The following CD99L2 variants were observed in gnomAD, a reference collection of about 807,000 sequenced individuals.
The protein encoded by CD99L2 is CD99 molecule like 2, also known as CD99 antigen-like protein 2.
Under a neutral mutation model 27.3 loss-of-function variants are expected in CD99L2, and 24 were observed. That is an observed-to-expected ratio of 0.88 (90% CI 0.64 to 1.24). CD99L2 has a LOEUF of 1.24. Ranked by LOEUF, CD99L2 falls within the 50% of genes most tolerant of loss-of-function variation. The probability of loss-of-function intolerance (pLI) is 0.00; values close to 1 mark genes in which losing one functional copy is unlikely to be tolerated. For synonymous variants in CD99L2, 97 were observed against 87.9 expected (o/e 1.10, Z -0.58); for missense variants, 255 against 221.6 (o/e 1.15, Z -0.96).
intron 4 of CD99L2, among the ~76,000 whole-genome samples, chrX:150,798,145 A>G (rs1603293386): frequency 3.6e-5 from 1 of 27,903 alleles, no homozygotes; most frequent in Non-Finnish European, 5.8e-5. Context: ...GAAGGAAGGA[A>G]GGGAGGGAGG....
At chrX:150,825,628 T>A (rs1557420909) in intron 2 of CD99L2, among the ~76,000 whole-genome samples, 3 of 112,619 alleles carry the variant, frequency 2.7e-5, no homozygotes, top group Non-Finnish European at 5.6e-5. Flanking sequence ...AACTACAGAT[T>A]TTTGTGTTGT....
intron 1 of CD99L2, among the ~76,000 whole-genome samples, chrX:150,846,345 G>A (rs1417652089): frequency 1.8e-5 from 2 of 111,665 alleles, no homozygotes; most frequent in Non-Finnish European, 3.8e-5. Flanking sequence ...TGAGGATATC[G>A]GCACTGGTGA....
chrX:150,865,509 A>G (rs2047047682), intron 1 of CD99L2, among the ~76,000 whole-genome samples: 1 of 111,806 alleles, frequency 8.9e-6, no homozygotes, highest in Admixed American at 9.5e-5. Flanking sequence ...AGATAGATAA[A>G]TAAATAATGT....
intron 7 of CD99L2, among the ~76,000 whole-genome samples, chrX:150,789,373 C>T (rs1207710937): frequency 2.7e-5 from 3 of 111,579 alleles, no homozygotes; most frequent in Non-Finnish European, 3.8e-5. Flanking sequence ...CCACCCGCGT[C>T]GGCCTCCAGA....
intron 10 of CD99L2, among the ~76,000 whole-genome samples, chrX:150,769,468 G>A (rs868954038): frequency 6.2e-5 from 7 of 112,683 alleles, no homozygotes; most frequent in East Asian, 5.5e-4. Flanking sequence ...ATGCGACAGC[G>A]GAATCCATTT....
At chrX:150,859,406 G>A (rs1214035931) in intron 1 of CD99L2, among the ~76,000 whole-genome samples, 1 of 111,088 alleles carries the variant, frequency 9.0e-6, no homozygotes, top group Non-Finnish European at 1.9e-5. Context: ...GGCTGAGGCA[G>A]GGGAATCGCT....
At chrX:150,816,121 A>G (rs1557420480) in intron 2 of CD99L2, 43 bp from the exon 3 acceptor site, 11 of 1,143,576 alleles carry the variant, frequency 9.6e-6, no homozygotes, top group Non-Finnish European at 1.3e-5. Context: ...ACGTTTAGTA[A>G]CAAAACACAG....
chrX:150,794,660 C>T (rs782411663), intron 6 of CD99L2, among the ~76,000 whole-genome samples: 2 of 111,883 alleles, frequency 1.8e-5, no homozygotes, highest in Non-Finnish European at 3.8e-5. Flanking sequence ...GTGTCCTATC[C>T]GAGAAGATTA....
At chrX:150,845,067 C>T (rs1370663349) in intron 1 of CD99L2, among the ~76,000 whole-genome samples, 1 of 112,079 alleles carries the variant, frequency 8.9e-6, no homozygotes, top group East Asian at 2.8e-4. Flanking sequence ...TAAGTCACTT[C>T]GTTGATGAGT....
At chrX:150,891,277 A>G (rs2047507483) in intron 1 of CD99L2, among the ~76,000 whole-genome samples, 1 of 112,089 alleles carries the variant, frequency 8.9e-6, no homozygotes, top group Non-Finnish European at 1.9e-5. Context: ...TAAAAGTCCA[A>G]CCCAGGTCTC....
rs1411206735 is a variant in CD99L2 at position 150,822,032 on chromosome X, G to T, written c.131-5954C>A. Among the ~76,000 whole-genome samples the T allele has an allele frequency of 8.1e-5, 9 of 111,623 alleles. No individual in the cohort carries two copies. The Admixed American group carries it at 8.5e-4, about 11-fold the overall frequency. ...TCTACTCCTAGGTATATATCGAAAAGAATTTAAAACAGGTATTCAAATAAG... is the reference window on the plus strand; with the variant it reads ...TCTACTCCTAGGTATATATCGAAAATAATTTAAAACAGGTATTCAAATAAG... On this transcript the variant is annotated intron_variant, in intron 2 of 10. Transcript: ENST00000370377.
intron 7 of CD99L2, among the ~76,000 whole-genome samples, chrX:150,784,380 A>G (rs1271102822): frequency 4.5e-5 from 5 of 111,293 alleles, no homozygotes; most frequent in African/African-American, 1.6e-4. Flanking sequence ...CACCCTCAAG[A>G]GCAGGGCTTC....
chrX:150,870,398 C>T (rs2047138186), intron 1 of CD99L2, among the ~76,000 whole-genome samples: 3 of 111,749 alleles, frequency 2.7e-5, no homozygotes, highest in African/African-American at 9.8e-5. Context: ...GTCACAATGC[C>T]TTCATGGTAC....
chrX:150,886,181 G>A lies in CD99L2; in HGVS notation c.67+12341C>T, dbSNP rs370988385. On this transcript the variant is annotated intron_variant, in intron 1 of 10. Coordinates refer to ENST00000370377, the MANE Select transcript of CD99L2 (RefSeq NM_031462.4). ...ACATGTCTGTCCTGGGCAATGTGAC[G>A]ATGGCAGAAAACTTTAGTGACTCGT... 1.3e-4 allele frequency among the ~76,000 whole-genome samples: 15 copies of A among 112,282 alleles called. No individual in the cohort carries two copies. The East Asian group carries it at 2.8e-3, about 21-fold the overall frequency.
intron 1 of CD99L2, among the ~76,000 whole-genome samples, chrX:150,852,609 C>A (rs1311452266): frequency 9.0e-6 from 1 of 110,733 alleles, no homozygotes; most frequent in African/African-American, 3.3e-5. Flanking sequence ...AACAGTCCAT[C>A]CTCCTCATCA....
chrX:150,773,046 T>C (rs1360359907), intron 9 of CD99L2, among the ~76,000 whole-genome samples: 2 of 112,996 alleles, frequency 1.8e-5, no homozygotes, highest in Non-Finnish European at 3.7e-5. Context: ...CCTTTCATTT[T>C]AATGTCCCAC....
At chrX:150,896,363 A>G (rs184470519) in intron 1 of CD99L2, among the ~76,000 whole-genome samples, 1,842 of 112,288 alleles carry the variant, frequency 0.016, 17 homozygotes, top group Middle Eastern at 0.028. Flanking sequence ...AGGCCACTGC[A>G]CTCCAGCCTG....
At chrX:150,772,229 G>A (rs942264638) in intron 9 of CD99L2, among the ~76,000 whole-genome samples, 16 of 112,916 alleles carry the variant, frequency 1.4e-4, no homozygotes, top group Non-Finnish European at 2.4e-4. Flanking sequence ...GCCCCGCCAC[G>A]GAATGGACGG....
chrX:150,780,511 G>A (rs183173458), intron 7 of CD99L2, among the ~76,000 whole-genome samples: 98 of 112,028 alleles, frequency 8.7e-4, no homozygotes, highest in Non-Finnish European at 1.5e-3. Flanking sequence ...CATGTTCATC[G>A]CAGTATTCAT....
Sources: allele counts gnomAD v4.1 joint callset (sites outside exome capture counted in the v4.1 genomes callset), GRCh38; gene constraint gnomAD v4.1.1; transcripts MANE v1.5; gene names NCBI Gene and HGNC (gene_info 2026-07-23, HGNC 2026-07-21).